The following PXDNL variants were observed in gnomAD, a reference collection of about 807,000 sequenced individuals.
PXDNL encodes the protein peroxidasin like, also known as probable oxidoreductase PXDNL.
PXDNL carries 145 observed loss-of-function variants against 150.8 expected under a neutral mutation model. That is an observed-to-expected ratio of 0.96 (90% CI 0.84 to 1.10). The LOEUF (loss-of-function observed/expected upper bound fraction) is 1.10. Ranked by LOEUF, PXDNL falls within the 50% of genes least tolerant of loss-of-function variation. The probability of loss-of-function intolerance (pLI) is 0.00; values close to 1 mark genes in which losing one functional copy is unlikely to be tolerated. For missense variants in PXDNL, 2,087 were observed against 1,873.9 expected, an observed-to-expected ratio of 1.11 and a Z score of -2.10; for synonymous variants, 757 against 725.7, an observed-to-expected ratio of 1.04 and a Z score of -0.69.
intron 1 of PXDNL, among the ~76,000 whole-genome samples, chr8:51,667,122 T>A (rs1815402166): frequency 6.6e-6 from 1 of 152,126 alleles, no homozygotes; most frequent in Admixed American, 6.5e-5. Context: ...AAAATACCCA[T>A]CTGTCTTCAA....
At chr8:51,519,221 A>G (rs1374111936) in intron 4 of PXDNL, among the ~76,000 whole-genome samples, 1 of 152,192 alleles carries the variant, frequency 6.6e-6, no homozygotes, top group African/African-American at 2.4e-5. Flanking sequence ...CATATAAATA[A>G]TATCTAAGTA....
At chr8:51,696,333 C>A (rs1816123881) in intron 1 of PXDNL, among the ~76,000 whole-genome samples, 1 of 152,336 alleles carries the variant, frequency 6.6e-6, no homozygotes, top group East Asian at 1.9e-4. Flanking sequence ...AGGCCCAGAT[C>A]TCTTGCTCTG....
chr8:51,598,667 T>G (rs1400843241), intron 2 of PXDNL, among the ~76,000 whole-genome samples: 1 of 152,100 alleles, frequency 6.6e-6, no homozygotes, highest in Admixed American at 6.6e-5. Flanking sequence ...GAATTTTATA[T>G]CTATGTTCAT....
intron 1 of PXDNL, among the ~76,000 whole-genome samples, chr8:51,672,066 T>A (rs1053235452): frequency 6.6e-6 from 1 of 152,044 alleles, no homozygotes; most frequent in Non-Finnish European, 1.5e-5. Context: ...ACCACAAAAT[T>A]CGCCTCCCAG....
chr8:51,555,234 G>A (rs1812575743), intron 4 of PXDNL, among the ~76,000 whole-genome samples: 1 of 152,110 alleles, frequency 6.6e-6, no homozygotes, highest in Non-Finnish European at 1.5e-5. Flanking sequence ...AGAGCAAGAA[G>A]AAACCAAGTT....
intron 1 of PXDNL, among the ~76,000 whole-genome samples, chr8:51,661,470 A>G (rs896948656): frequency 1.3e-5 from 2 of 152,196 alleles, no homozygotes; most frequent in East Asian, 1.9e-4. Context: ...ACGCTCCACA[A>G]CGTAGTTGGG....
rs558696816 is a variant in PXDNL at position 51,608,222 on chromosome 8, T to C, written c.237-15524A>G. ...GGCTAACATGGTGAAACCCCGTCTCTACTAAAAATACAAAAAATTAGCCAG... is the reference window on the plus strand; with the variant it reads ...GGCTAACATGGTGAAACCCCGTCTCCACTAAAAATACAAAAAATTAGCCAG... On this transcript the variant is annotated intron_variant, in intron 2 of 22. Coordinates refer to ENST00000356297, the MANE Select transcript of PXDNL (RefSeq NM_144651.5). 6.8e-5 allele frequency among the ~76,000 whole-genome samples: 10 copies of C among 146,534 alleles called. 1 individual carries two copies. Among genetic ancestry groups the C allele is most frequent in the Admixed American group, 6.7e-4 (10 of 14,892 alleles).
intron 2 of PXDNL, among the ~76,000 whole-genome samples, chr8:51,636,999 AGAGGAAC>A (rs1814618345): frequency 6.6e-6 from 1 of 152,160 alleles, no homozygotes; most frequent in Non-Finnish European, 1.5e-5. Context: ...TGAAGCTTCC[AGAGGAAC>A]GATCAGGTAG....
At chr8:51,331,874 C>T (rs758059009) in intron 21 of PXDNL, among the ~76,000 whole-genome samples, 13 of 152,098 alleles carry the variant, frequency 8.5e-5, no homozygotes, top group Middle Eastern at 3.2e-3. Context: ...ACGCCTAGCC[C>T]GGCCCCCAAC....
At chr8:51,379,605 T>C (rs1266997163) in intron 17 of PXDNL, among the ~76,000 whole-genome samples, 1 of 152,202 alleles carries the variant, frequency 6.6e-6, no homozygotes. Context: ...TCCTTGTATT[T>C]GTGGTGCTTT....
At chr8:51,457,910 T>G (rs1809971674) in intron 8 of PXDNL, among the ~76,000 whole-genome samples, 1 of 152,188 alleles carries the variant, frequency 6.6e-6, no homozygotes. Context: ...GGTTGAGATG[T>G]TCTGCCTTCC....
In PXDNL at chr8:51,787,994, C is replaced by T. The variant is rs149394251; in HGVS notation, c.164+21187G>A. Among the ~76,000 whole-genome samples, 239 of 152,302 alleles carry T rather than the reference C, an allele frequency of 1.6e-3. 1 individual carries two copies. Among genetic ancestry groups the T allele is most frequent in the Admixed American group, 4.6e-3 (71 of 15,300 alleles). On this transcript the variant is annotated intron_variant, in intron 1 of 22. Transcript: ENST00000356297. Reference sequence around the variant, plus strand: ...ACCAGAAAAAAAGCTTACAACTTGGCGAAGGCTCCAATGATCATCAGCATG... The same window carrying T: ...ACCAGAAAAAAAGCTTACAACTTGGTGAAGGCTCCAATGATCATCAGCATG...
At chr8:51,555,353 T>A (rs1812578138) in intron 4 of PXDNL, among the ~76,000 whole-genome samples, 1 of 152,202 alleles carries the variant, frequency 6.6e-6, no homozygotes, top group Non-Finnish European at 1.5e-5. Context: ...CATGGTCTAA[T>A]CACCCCTTAA....
chr8:51,474,508 G>A (rs925279865), intron 7 of PXDNL, among the ~76,000 whole-genome samples: 5 of 151,980 alleles, frequency 3.3e-5, no homozygotes, highest in East Asian at 1.9e-4. Context: ...TATTTTAGTC[G>A]TATTCATGGT....
intron 8 of PXDNL, among the ~76,000 whole-genome samples, chr8:51,461,273 T>C (rs1292848580): frequency 6.6e-6 from 1 of 152,182 alleles, no homozygotes. Flanking sequence ...AGATTTGTGT[T>C]CTGGCACAGG....
In PXDNL at chr8:51,735,984, C is replaced by T. The variant is rs192954736; in HGVS notation, c.164+73197G>A. Among the ~76,000 whole-genome samples the T allele has an allele frequency of 2.0e-3, 297 of 152,274 alleles. 1 individual carries two copies. The highest frequency in any genetic ancestry group is 3.1e-3 in the Non-Finnish European group (214 of 68,026). ...TCTCCCTACCTGCCTACCACCACAC[C>T]GTAAACCTAATAAACTCCCAAGTTG... On this transcript the variant is annotated intron_variant, in intron 1 of 22. Transcript: ENST00000356297.
In PXDNL at chr8:51,324,117, G is replaced by A. The variant is rs1033322941; in HGVS notation, c.4147-3220C>T. On this transcript the variant is annotated intron_variant, in intron 21 of 22. Transcript: ENST00000356297. Reference sequence around the variant, plus strand: ...CAGAAATGCCATTAATTTTTTCTACGTTTATCTTGGGTTTATGTTGTATCC... The same window carrying A: ...CAGAAATGCCATTAATTTTTTCTACATTTATCTTGGGTTTATGTTGTATCC... 9.2e-5 allele frequency among the ~76,000 whole-genome samples: 14 copies of A among 151,924 alleles called. No homozygotes were observed. The East Asian group carries it at 1.4e-3, about 15-fold the overall frequency.
chr8:51,321,092 A>G (rs1035485087), intron 21 of PXDNL, 195 bp from the exon 22 acceptor site: 2 of 540,806 alleles, frequency 3.7e-6, no homozygotes, highest in African/African-American at 3.9e-5. Context: ...CCAAACAAAT[A>G]AACAGTTCTG....
chr8:51,379,958 A>G (rs28613355), intron 17 of PXDNL, among the ~76,000 whole-genome samples: 97 of 152,184 alleles, frequency 6.4e-4, no homozygotes, highest in Middle Eastern at 3.4e-3. Context: ...GGATATTTCC[A>G]TATATGAGCC....
Sources: allele counts gnomAD v4.1 joint callset (sites outside exome capture counted in the v4.1 genomes callset), GRCh38; gene constraint gnomAD v4.1.1; transcripts MANE v1.5; gene names NCBI Gene and HGNC (gene_info 2026-07-23, HGNC 2026-07-21).